Variants in PTH2R observed in about 807,000 individuals in gnomAD.
PTH2R encodes parathyroid hormone 2 receptor.
In PTH2R, 59 loss-of-function variants were observed where a neutral mutation model predicts 60.3. The ratio of observed to expected loss-of-function variants is 0.98; its 90% CI spans 0.79 to 1.22. The LOEUF (loss-of-function observed/expected upper bound fraction) is 1.22. Ranked by LOEUF, PTH2R falls within the 50% of genes most tolerant of loss-of-function variation. The pLI is 0.00. For synonymous variants in PTH2R, 256 were observed against 243.8 expected (o/e 1.05, Z -0.47); for missense variants, 749 against 682.6 (o/e 1.10, Z -1.08).
At chr2:208,373,032 G>C (rs116268879) in intron 1 of PTH2R, among the ~76,000 whole-genome samples, 1 of 152,096 alleles carries the variant, frequency 6.6e-6, no homozygotes, top group African/African-American at 2.4e-5. Context: ...GCTGCAGTGA[G>C]CAAAGCTCAC....
intron 8 of PTH2R, 92 bp from the exon 9 acceptor site, chr2:208,459,803 G>A: frequency 1.0e-6 from 1 of 974,426 alleles, no homozygotes; most frequent in South Asian, 1.4e-5. Context: ...GGAAGTGTGG[G>A]GTTGGAGTTT....
intron 1 of PTH2R, among the ~76,000 whole-genome samples, chr2:208,422,208 A>G (rs552418449): frequency 6.6e-6 from 1 of 152,116 alleles, no homozygotes; most frequent in Admixed American, 6.6e-5. Flanking sequence ...TTCAATTGAA[A>G]CCTTCAACAA....
chr2:208,425,071 A>G (rs1701830732), intron 1 of PTH2R, among the ~76,000 whole-genome samples: 1 of 152,184 alleles, frequency 6.6e-6, no homozygotes, highest in South Asian at 2.1e-4. Flanking sequence ...CTAAAACTCT[A>G]ATGAAAAAAC....
chr2:208,488,718 A>C lies in PTH2R; in HGVS notation c.1077-294A>C, dbSNP rs542025986. On this transcript the variant is annotated intron_variant, in intron 10 of 12. Transcript: ENST00000272847. ...TGGCGAGACCCCGTCTCTACAAAAA[A>C]ATTAAAAAAATATTCAGGCATGGTG... Among the ~76,000 whole-genome samples, 30 of 152,240 alleles carry C rather than the reference A, an allele frequency of 2.0e-4. No homozygotes were observed. The South Asian group carries it at 4.2e-3, about 21-fold the overall frequency.
chr2:208,489,023 A>G lies in PTH2R; in HGVS notation c.1088A>G (p.Lys363Arg). 8 of 1,614,140 alleles carry G rather than the reference A, an allele frequency of 5.0e-6. No individual in the cohort carries two copies. The highest frequency in any genetic ancestry group is 6.8e-6 in the Non-Finnish European group (8 of 1,180,016). Reference protein sequence around the residue: ...DTRKQYRKLAKSTLVLVLVFG... With the variant: ...DTRKQYRKLARSTLVLVLVFG... ...CTGTTCTCCTTTAGGAAACTGGCCA[A>G]ATCGACACTGGTCCTGGTCCTAGTC... The change falls in exon 11 of 13, where the codon AAA becomes AGA. Residue 363 changes from lysine (K) to arginine (R), a missense_variant. Transcript: ENST00000272847.
chr2:208,422,064 C>T (rs1701767161), intron 1 of PTH2R, among the ~76,000 whole-genome samples: 1 of 152,150 alleles, frequency 6.6e-6, no homozygotes, highest in Non-Finnish European at 1.5e-5. Flanking sequence ...TGGTATAATT[C>T]AGTCCAAGTC....
intron 2 of PTH2R, among the ~76,000 whole-genome samples, chr2:208,435,900 C>T (rs1460127752): frequency 6.6e-6 from 1 of 152,206 alleles, no homozygotes; most frequent in Non-Finnish European, 1.5e-5. Context: ...AAAACTAATA[C>T]AGCAGTCACT....
At chr2:208,489,295 A>C in intron 11 of PTH2R, 145 bp downstream of exon 11, 1 of 982,782 alleles carries the variant, frequency 1.0e-6, no homozygotes, top group African/African-American at 1.6e-5. Flanking sequence ...CAATATTTCT[A>C]TAGTGCCTGT....
intron 1 of PTH2R, among the ~76,000 whole-genome samples, chr2:208,389,737 A>G (rs1701071512): frequency 6.6e-6 from 1 of 152,062 alleles, no homozygotes; most frequent in South Asian, 2.1e-4. Flanking sequence ...TTTAATTTTT[A>G]TCACAAATTA....
At chr2:208,419,288 T>C in intron 1 of PTH2R, among the ~76,000 whole-genome samples, 1 of 152,272 alleles carries the variant, frequency 6.6e-6, no homozygotes, top group East Asian at 1.9e-4. Context: ...TGAGCATTTT[T>C]TCATGTGTTT....
intron 1 of PTH2R, among the ~76,000 whole-genome samples, chr2:208,389,814 G>T (rs1701073672): frequency 6.6e-6 from 1 of 151,874 alleles, no homozygotes; most frequent in African/African-American, 2.4e-5. Context: ...TGCGGGGGTG[G>T]GGGGGTTGTT....
At chr2:208,423,769 T>C (rs1032569725) in intron 1 of PTH2R, among the ~76,000 whole-genome samples, 5 of 152,358 alleles carry the variant, frequency 3.3e-5, no homozygotes, top group Non-Finnish European at 5.9e-5. Context: ...TTTGCAGCTC[T>C]GTTTTTTTGA....
chr2:208,389,937 G>C (rs554604605), intron 1 of PTH2R, among the ~76,000 whole-genome samples: 1 of 152,202 alleles, frequency 6.6e-6, no homozygotes, highest in East Asian at 1.9e-4. Context: ...CGTTATAGAA[G>C]GGTCTCGAGT....
intron 1 of PTH2R, among the ~76,000 whole-genome samples, chr2:208,378,441 A>C (rs1014097063): frequency 6.6e-6 from 1 of 152,132 alleles, no homozygotes; most frequent in Non-Finnish European, 1.5e-5. Flanking sequence ...GGTAAGATTG[A>C]TAGATGATTG....
At chr2:208,453,077 C>A (rs1421509170) in intron 8 of PTH2R, among the ~76,000 whole-genome samples, 4 of 152,158 alleles carry the variant, frequency 2.6e-5, no homozygotes, top group Non-Finnish European at 4.4e-5. Context: ...TGGAAAATGT[C>A]CAGCATACAC....
intron 1 of PTH2R, among the ~76,000 whole-genome samples, chr2:208,392,012 C>CA (rs1465153480): frequency 5.9e-5 from 9 of 152,198 alleles, no homozygotes; most frequent in Admixed American, 5.2e-4. Flanking sequence ...AAGACTATCT[C>CA]AAAATCCCTA....
chr2:208,385,578 G>C (rs956146703), intron 1 of PTH2R, among the ~76,000 whole-genome samples: 2 of 152,198 alleles, frequency 1.3e-5, no homozygotes, highest in African/African-American at 4.8e-5. Flanking sequence ...AGGTATCAGA[G>C]CAATGCAAAG....
At chr2:208,437,513 GC>G in intron 2 of PTH2R, 23 bp from the exon 3 acceptor site, 1 of 1,554,136 alleles carries the variant, frequency 6.4e-7, no homozygotes. Context: ...TTGTTTATTT[GC>G]TTTAATTTTT....
At chr2:208,448,976 AT>A (rs1702345280) in intron 7 of PTH2R, among the ~76,000 whole-genome samples, 1 of 152,186 alleles carries the variant, frequency 6.6e-6, no homozygotes, top group Non-Finnish European at 1.5e-5. Context: ...CTAAAACATA[AT>A]GCCAACTCAA....
Sources: allele counts gnomAD v4.1 joint callset (sites outside exome capture counted in the v4.1 genomes callset), GRCh38; gene constraint gnomAD v4.1.1; transcripts MANE v1.5; gene names NCBI Gene and HGNC (gene_info 2026-07-23, HGNC 2026-07-21).